Variants in ATE1 observed in about 807,000 individuals in gnomAD.
The protein encoded by ATE1 is arginyl-tRNA--protein transferase 1.
Under a neutral mutation model 70.5 loss-of-function variants are expected in ATE1, and 36 were observed. That is an observed-to-expected ratio of 0.51 (90% CI 0.39 to 0.67). ATE1 has a LOEUF of 0.67. Ranked by LOEUF, ATE1 falls within the 30% of genes least tolerant of loss-of-function variation. ATE1 has a pLI of 0.00. For synonymous variants in ATE1, 232 were observed against 219.3 expected (o/e 1.06, Z -0.51); for missense variants, 593 against 629.5 (o/e 0.94, Z 0.62).
intron 10 of ATE1, among the ~76,000 whole-genome samples, chr10:121,800,564 A>G (rs7898444): frequency 0.97 from 148,092 of 152,316 alleles, 72,107 homozygotes; most frequent in East Asian, 1. Flanking sequence ...CCAGCAGTCT[A>G]TTTTGAAAGT....
intron 7 of ATE1, among the ~76,000 whole-genome samples, chr10:121,871,786 A>T (rs887821303): frequency 5.3e-5 from 8 of 152,204 alleles, no homozygotes; most frequent in Non-Finnish European, 8.8e-5. Context: ...ATTTTTTCTT[A>T]ATTTAAATAT....
intron 7 of ATE1, among the ~76,000 whole-genome samples, chr10:121,894,621 C>G (rs577747283): frequency 6.6e-6 from 1 of 152,064 alleles, no homozygotes; most frequent in South Asian, 2.1e-4. Context: ...CAAAGGGTGC[C>G]GGGTGTGGGA....
intron 10 of ATE1, among the ~76,000 whole-genome samples, chr10:121,810,751 G>A (rs765888485): frequency 2.0e-5 from 3 of 151,974 alleles, no homozygotes; most frequent in Non-Finnish European, 4.4e-5. Flanking sequence ...CGCCCAGGCT[G>A]GAGTGCAGTG....
intron 10 of ATE1, among the ~76,000 whole-genome samples, chr10:121,828,053 T>C (rs555283397): frequency 1.3e-5 from 2 of 152,364 alleles, no homozygotes; most frequent in East Asian, 3.9e-4. Flanking sequence ...TTTGTCAGCA[T>C]GTTAAGATAC....
At chr10:121,928,431 T>C (rs57830827), upstream of ATE1, 735 of 1,519,842 alleles carry the variant, frequency 4.8e-4, 1 homozygote, top group African/African-American at 9.9e-3. Flanking sequence ...ACCGACGCCA[T>C]GGCCGCCGCG....
intron 10 of ATE1, among the ~76,000 whole-genome samples, chr10:121,826,257 A>T (rs1345641244): frequency 9.0e-5 from 1 of 11,050 alleles, no homozygotes; most frequent in Non-Finnish European, 2.5e-4. Flanking sequence ...GAGCACTTAA[A>T]AGTGTTTAAG....
intron 7 of ATE1, among the ~76,000 whole-genome samples, chr10:121,875,016 G>A (rs1355395183): frequency 7.3e-5 from 2 of 27,314 alleles, no homozygotes; most frequent in Admixed American, 2.2e-4. Context: ...AGCCGGGCAC[G>A]TAGTCCCAGC....
chr10:121,893,542 T>C (rs1950657201), intron 7 of ATE1, among the ~76,000 whole-genome samples: 1 of 152,116 alleles, frequency 6.6e-6, no homozygotes, highest in South Asian at 2.1e-4. Flanking sequence ...AAAGGAATAA[T>C]TATAATTATT....
intron 5 of ATE1, among the ~76,000 whole-genome samples, chr10:121,909,142 T>C (rs7906667): frequency 0.13 from 20,129 of 152,096 alleles, 1,532 homozygotes; most frequent in East Asian, 0.19. Flanking sequence ...GCATGCACCA[T>C]AACACCTGGC....
chr10:121,776,904 G>A (rs1945769168), intron 11 of ATE1, among the ~76,000 whole-genome samples: 1 of 152,338 alleles, frequency 6.6e-6, no homozygotes, highest in African/African-American at 2.4e-5. Flanking sequence ...AAGAGAGAAG[G>A]TGCATGAAAG....
intron 8 of ATE1, among the ~76,000 whole-genome samples, chr10:121,846,166 A>AG (rs1410993938): frequency 9.9e-5 from 15 of 151,756 alleles, no homozygotes; most frequent in Middle Eastern, 3.2e-3. Flanking sequence ...CCCAACATTG[A>AG]GGGGGTATAC....
At chr10:121,784,782 C>A (rs1464466612) in intron 11 of ATE1, among the ~76,000 whole-genome samples, 1 of 152,114 alleles carries the variant, frequency 6.6e-6, no homozygotes, top group Non-Finnish European at 1.5e-5. Flanking sequence ...TTGCTGGAAT[C>A]CGGGAGGTAG....
chr10:121,868,823 C>T (rs1336033108), intron 8 of ATE1, among the ~76,000 whole-genome samples: 1 of 152,172 alleles, frequency 6.6e-6, no homozygotes, highest in African/African-American at 2.4e-5. Context: ...TCCATTTCTC[C>T]TGGTGACCAC....
chr10:121,826,509 T>A (rs1055891774), intron 10 of ATE1, among the ~76,000 whole-genome samples: 3 of 152,212 alleles, frequency 2.0e-5, no homozygotes, highest in African/African-American at 7.2e-5. Context: ...GGTTTCACCA[T>A]GTTGGCCAGG....
chr10:121,827,338 G>A (rs902519888), intron 10 of ATE1, among the ~76,000 whole-genome samples: 5 of 152,116 alleles, frequency 3.3e-5, no homozygotes, highest in East Asian at 1.9e-4. Context: ...AGGAGACAGA[G>A]GAGAGAAAAT....
intron 7 of ATE1, among the ~76,000 whole-genome samples, chr10:121,888,211 A>G (rs1299104320): frequency 6.6e-6 from 1 of 152,098 alleles, no homozygotes; most frequent in Non-Finnish European, 1.5e-5. Flanking sequence ...TGGCTAACAC[A>G]GTGAAACCCT....
chr10:121,839,197 G>A (rs557203820), intron 9 of ATE1, among the ~76,000 whole-genome samples: 59 of 152,134 alleles, frequency 3.9e-4, no homozygotes, highest in Non-Finnish European at 7.1e-4. Flanking sequence ...GCTCCCTCCC[G>A]GCTCTCCAGC....
chr10:121,793,087 G>C (rs942597589), intron 10 of ATE1, among the ~76,000 whole-genome samples: 1 of 152,056 alleles, frequency 6.6e-6, no homozygotes, highest in Non-Finnish European at 1.5e-5. Context: ...AGAACACAAT[G>C]CATTTTTTTA....
At chr10:121,846,384 G>A (rs755684180) in intron 8 of ATE1, among the ~76,000 whole-genome samples, 4 of 152,196 alleles carry the variant, frequency 2.6e-5, no homozygotes, top group Non-Finnish European at 5.9e-5. Context: ...AGTTTATGTA[G>A]CTATTCTGCC....
Sources: allele counts gnomAD v4.1 joint callset (sites outside exome capture counted in the v4.1 genomes callset), GRCh38; gene constraint gnomAD v4.1.1; transcripts MANE v1.5; gene names NCBI Gene and HGNC (gene_info 2026-07-23, HGNC 2026-07-21).